CNTNAP2: variants seen among roughly 807,000 people sequenced by gnomAD.
CNTNAP2 encodes contactin-associated protein-like 2.
CNTNAP2 carries 98 observed loss-of-function variants against 155.2 expected under a neutral mutation model. The ratio of observed to expected loss-of-function variants is 0.63; its 90% CI spans 0.54 to 0.75. The LOEUF (loss-of-function observed/expected upper bound fraction) is 0.75. CNTNAP2 is among the 30% of genes least tolerant of loss of function. The pLI is 0.00. For missense variants in CNTNAP2, 1,727 were observed against 1,688.1 expected (o/e 1.02, Z -0.40); for synonymous variants, 651 against 631.2 (o/e 1.03, Z -0.47).
At chr7:147,086,013 A>C (rs562764633) in intron 4 of CNTNAP2, among the ~76,000 whole-genome samples, 61 of 152,186 alleles carry the variant, frequency 4.0e-4, no homozygotes, top group Non-Finnish European at 7.6e-4. Context: ...ACAACTTGAA[A>C]TGGTAGAAAA....
At chr7:148,037,797 A>C (rs949270570) in intron 15 of CNTNAP2, among the ~76,000 whole-genome samples, 1 of 152,252 alleles carries the variant, frequency 6.6e-6, no homozygotes, top group African/African-American at 2.4e-5. Flanking sequence ...TAGGAAAAAA[A>C]CATAGTATAC....
chr7:147,654,512 T>C (rs1795495771), intron 13 of CNTNAP2, among the ~76,000 whole-genome samples: 1 of 152,214 alleles, frequency 6.6e-6, no homozygotes, highest in Non-Finnish European at 1.5e-5. Flanking sequence ...ATCATGAGAT[T>C]GCAGCAATTC....
intron 13 of CNTNAP2, among the ~76,000 whole-genome samples, chr7:147,779,231 T>G (rs1797630967): frequency 6.6e-6 from 1 of 152,246 alleles, no homozygotes. Flanking sequence ...TTGGTGCTGC[T>G]AAGCGCATCC....
intron 1 of CNTNAP2, among the ~76,000 whole-genome samples, chr7:146,470,477 G>A (rs890034031): frequency 5.3e-5 from 8 of 152,018 alleles, no homozygotes; most frequent in African/African-American, 1.9e-4. Flanking sequence ...GTGGAGACTT[G>A]CCCAGATATT....
At chr7:146,807,443 C>T (rs1802987650) in intron 2 of CNTNAP2, among the ~76,000 whole-genome samples, 1 of 152,030 alleles carries the variant, frequency 6.6e-6, no homozygotes, top group Admixed American at 6.6e-5. Flanking sequence ...TTATGAAAGT[C>T]TTTGCCCACT....
At chr7:147,601,931 C>T (rs562795667) in intron 12 of CNTNAP2, among the ~76,000 whole-genome samples, 83 of 152,166 alleles carry the variant, frequency 5.5e-4, no homozygotes, top group African/African-American at 1.6e-3. Flanking sequence ...AGTAAGTCTT[C>T]CGCCTGTGGT....
intron 20 of CNTNAP2, among the ~76,000 whole-genome samples, chr7:148,251,633 T>G (rs1282435627): frequency 1.3e-5 from 2 of 152,176 alleles, no homozygotes; most frequent in African/African-American, 4.8e-5. Context: ...ATAAAAACCC[T>G]CCTCCTTACA....
chr7:147,524,673 G>T (rs1016984326), intron 11 of CNTNAP2, among the ~76,000 whole-genome samples: 3 of 152,160 alleles, frequency 2.0e-5, no homozygotes, highest in African/African-American at 7.2e-5. Context: ...TGAAAACTCT[G>T]CTTGAGGGTC....
intron 12 of CNTNAP2, 74 bp from the exon 13 acceptor site, chr7:147,639,032 C>T (rs1584872925): frequency 2.1e-6 from 3 of 1,443,254 alleles, no homozygotes; most frequent in Admixed American, 3.3e-5. Context: ...AAGTGTGGCT[C>T]AATTATTTTC....
chr7:147,099,276 G>A (rs1800608579), intron 4 of CNTNAP2, among the ~76,000 whole-genome samples: 1 of 152,148 alleles, frequency 6.6e-6, no homozygotes, highest in Admixed American at 6.5e-5. Context: ...ACTCTGGATT[G>A]ATTGCTTTAT....
At position 147,381,909 on chromosome 7, in the gene CNTNAP2, GTTA is replaced by G. The variant is rs1796544185; in HGVS notation, c.1499-13695_1499-13693del. ...CAGTTGCTACAACTAACACAATATAGTTATTATAAATATCCATGTATAAAAATA... is the reference window on the plus strand; with the variant it reads ...CAGTTGCTACAACTAACACAATATAGTTATAAATATCCATGTATAAAAATA... On this transcript the variant is annotated intron_variant, in intron 9 of 23. Coordinates refer to ENST00000361727, the MANE Select transcript of CNTNAP2 (RefSeq NM_014141.6). Among the ~76,000 whole-genome samples the G allele has an allele frequency of 2.0e-5, 3 of 151,744 alleles. No individual in the cohort carries two copies. The South Asian group carries it at 6.2e-4, about 32-fold the overall frequency.
At chr7:146,844,737 T>C (rs566714414) in intron 3 of CNTNAP2, among the ~76,000 whole-genome samples, 9 of 152,292 alleles carry the variant, frequency 5.9e-5, no homozygotes, top group Non-Finnish European at 1.3e-4. Context: ...AGGAACATAC[T>C]ACAAATTTAC....
At chr7:146,347,875 T>C (rs2129097990) in intron 1 of CNTNAP2, among the ~76,000 whole-genome samples, 1 of 152,308 alleles carries the variant, frequency 6.6e-6, no homozygotes, top group African/African-American at 2.4e-5. Context: ...CTCTTGTTTC[T>C]TTCAAAGTGA....
chr7:147,574,853 T>G lies in CNTNAP2; in HGVS notation c.1897+12596T>G, dbSNP rs190578588. Reference sequence around the variant, plus strand: ...ATCTCCCAGAGTGAGAGAGGAGTAGTCAATCAGCCACAAGGCTTAGGAGAC... The same window carrying G: ...ATCTCCCAGAGTGAGAGAGGAGTAGGCAATCAGCCACAAGGCTTAGGAGAC... On this transcript the variant is annotated intron_variant, in intron 12 of 23. Coordinates refer to ENST00000361727, the MANE Select transcript of CNTNAP2 (RefSeq NM_014141.6). 2.2e-3 allele frequency among the ~76,000 whole-genome samples: 333 copies of G among 152,174 alleles called. 1 individual carries two copies. The highest frequency in any genetic ancestry group is 7.7e-3 in the African/African-American group (321 of 41,552).
intron 9 of CNTNAP2, among the ~76,000 whole-genome samples, chr7:147,330,373 T>A (rs1041815765): frequency 2.0e-5 from 3 of 152,166 alleles, no homozygotes; most frequent in African/African-American, 7.2e-5. Context: ...GTGTCCGTTG[T>A]GATAAACCAC....
At chr7:146,541,863 C>G (rs1030433335) in intron 1 of CNTNAP2, among the ~76,000 whole-genome samples, 2 of 151,938 alleles carry the variant, frequency 1.3e-5, no homozygotes, top group African/African-American at 4.8e-5. Context: ...ATGTACTGTT[C>G]TTGAATGATT....
At chr7:147,983,006 AG>A (rs1471278654) in intron 15 of CNTNAP2, among the ~76,000 whole-genome samples, 14 of 137,214 alleles carry the variant, frequency 1.0e-4, no homozygotes, top group African/African-American at 3.8e-4. Context: ...TGACAGTGTG[AG>A]ACTCCACCTC....
At chr7:146,484,430 G>A in intron 1 of CNTNAP2, among the ~76,000 whole-genome samples, 1 of 152,108 alleles carries the variant, frequency 6.6e-6, no homozygotes, top group African/African-American at 2.4e-5. Flanking sequence ...ATAGCATTCA[G>A]GATCTACCTC....
At chr7:148,000,124 G>A (rs1801871611) in intron 15 of CNTNAP2, among the ~76,000 whole-genome samples, 1 of 152,186 alleles carries the variant, frequency 6.6e-6, no homozygotes, top group South Asian at 2.1e-4. Flanking sequence ...ACCATTAGCA[G>A]TTGTTGAAAG....
Sources: gnomAD v4.1 joint callset for allele counts (sites outside exome capture counted in the v4.1 genomes callset) on GRCh38, gnomAD v4.1.1 for gene constraint, MANE v1.5 for transcripts, NCBI Gene and HGNC (gene_info 2026-07-23, HGNC 2026-07-21) for gene names.